ZRANB3: variants seen among roughly 807,000 people sequenced by gnomAD.
ZRANB3 encodes DNA annealing helicase and endonuclease ZRANB3.
In ZRANB3, 125 loss-of-function variants were observed where a neutral mutation model predicts 133.8. That is an observed-to-expected ratio of 0.93 (90% confidence interval 0.81 to 1.08). ZRANB3 has a LOEUF of 1.08. Among genes scored for constraint, ZRANB3 ranks in the 50% least tolerant of loss-of-function variants. The pLI is 0.00. For missense variants in ZRANB3, 1,229 were observed against 1,275.5 expected, an observed-to-expected ratio of 0.96 and a Z score of 0.56; for synonymous variants, 387 against 432.7, an observed-to-expected ratio of 0.89 and a Z score of 1.31.
chr2:135,268,880 C>A, intron 11 of ZRANB3, 82 bp downstream of exon 11: 1 of 1,352,024 alleles, frequency 7.4e-7, no homozygotes, highest in Non-Finnish European at 1.0e-6. Context: ...TGCCTGAAAA[C>A]ACTAAAACTC....
At chr2:135,433,994 TCAAAA>T (rs944788844) in intron 2 of ZRANB3, among the ~76,000 whole-genome samples, 1 of 151,482 alleles carries the variant, frequency 6.6e-6, no homozygotes, top group African/African-American at 2.4e-5. Flanking sequence ...AGACTCCGTC[TCAAAA>T]CAAAACAAAA....
At chr2:135,481,087 G>A (rs1354507406) in intron 2 of ZRANB3, among the ~76,000 whole-genome samples, 1 of 152,020 alleles carries the variant, frequency 6.6e-6, no homozygotes, top group Non-Finnish European at 1.5e-5. Context: ...GTGAGCATGT[G>A]TCTTTATAGC....
intron 2 of ZRANB3, among the ~76,000 whole-genome samples, chr2:135,413,434 T>C (rs972152359): frequency 6.6e-6 from 1 of 152,202 alleles, no homozygotes; most frequent in Non-Finnish European, 1.5e-5. Flanking sequence ...ATGGCTACAT[T>C]TGAAGCTACC....
chr2:135,427,153 G>A lies in ZRANB3; in HGVS notation c.162-36333C>T, dbSNP rs533744457. ...GGAAGCATTCCCCTTTAGAACCAGA[G>A]CAAGACAAGATGCCCACTCTCACCA... On this transcript the variant is annotated intron_variant, in intron 2 of 20. Transcript: ENST00000264159. 2.2e-4 allele frequency among the ~76,000 whole-genome samples: 33 copies of A among 151,542 alleles called. No individual in the cohort carries two copies. In the South Asian group the frequency reaches 5.8e-3, roughly 27 times the overall value.
intron 3 of ZRANB3, among the ~76,000 whole-genome samples, chr2:135,381,974 C>T (rs1338955864): frequency 6.6e-6 from 1 of 152,314 alleles, no homozygotes; most frequent in African/African-American, 2.4e-5. Flanking sequence ...TCACCAGCAA[C>T]AGAACAAAGC....
chr2:135,200,706 C>T, intron 20 of ZRANB3, among the ~76,000 whole-genome samples: 1 of 151,300 alleles, frequency 6.6e-6, no homozygotes, highest in African/African-American at 2.4e-5. Flanking sequence ...GCATGAATTC[C>T]TCATTTGGAG....
At chr2:135,299,694 A>G (rs1682338100) in intron 8 of ZRANB3, among the ~76,000 whole-genome samples, 1 of 152,224 alleles carries the variant, frequency 6.6e-6, no homozygotes, top group Non-Finnish European at 1.5e-5. Flanking sequence ...GGAGATAACA[A>G]ACATACTTAA....
At chr2:135,221,979 A>G (rs140715861) in intron 15 of ZRANB3, among the ~76,000 whole-genome samples, 93 of 152,340 alleles carry the variant, frequency 6.1e-4, no homozygotes, top group Middle Eastern at 6.8e-3. Context: ...CTATATCTAT[A>G]TTCGGTTTAG....
intron 8 of ZRANB3, among the ~76,000 whole-genome samples, chr2:135,302,556 C>T (rs1354438899): frequency 6.7e-5 from 10 of 149,668 alleles, no homozygotes; most frequent in Middle Eastern, 3.5e-3. Context: ...ATGGGAGTCT[C>T]GCTCTGTCAC....
At chr2:135,527,288 G>A (rs571004819) in intron 1 of ZRANB3, among the ~76,000 whole-genome samples, 30 of 152,268 alleles carry the variant, frequency 2.0e-4, no homozygotes, top group African/African-American at 6.5e-4. Flanking sequence ...GACCAGGCAC[G>A]GTGGCTCACA....
At chr2:135,275,479 TATA>T (rs1166322707) in intron 9 of ZRANB3, among the ~76,000 whole-genome samples, 154 bp downstream of exon 9, 2 of 152,192 alleles carry the variant, frequency 1.3e-5, no homozygotes, top group East Asian at 1.9e-4. Flanking sequence ...ATCATCATCA[TATA>T]ATATTAATAT....
intron 17 of ZRANB3, among the ~76,000 whole-genome samples, chr2:135,215,234 ATTAAT>A (rs1694256909): frequency 6.7e-6 from 1 of 149,540 alleles, no homozygotes; most frequent in Non-Finnish European, 1.5e-5. Context: ...TTTTTATTTT[ATTAAT>A]TTAATTTTTG....
intron 2 of ZRANB3, among the ~76,000 whole-genome samples, chr2:135,477,986 C>T (rs1455623834): frequency 1.3e-5 from 2 of 151,672 alleles, no homozygotes; most frequent in Non-Finnish European, 2.9e-5. Flanking sequence ...GAGACCCTGT[C>T]TCAAAAAACA....
At chr2:135,264,238 C>T (rs1680109537) in intron 12 of ZRANB3, among the ~76,000 whole-genome samples, 1 of 151,142 alleles carries the variant, frequency 6.6e-6, no homozygotes, top group Non-Finnish European at 1.5e-5. Context: ...TTTGGAAGGC[C>T]GAGGTGGGCA....
At position 135,353,431 on chromosome 2, in the gene ZRANB3, A is replaced by G; in HGVS notation, c.359+19T>C. 1 of 1,533,368 alleles carries G rather than the reference A, an allele frequency of 6.5e-7. No individual in the cohort carries two copies. Among genetic ancestry groups the G allele is most frequent in the Non-Finnish European group, 8.8e-7 (1 of 1,140,794 alleles). The allele number at this position is 1,533,368 out of a possible 1,614,324, so 95.0% of individuals were successfully genotyped here. A position where few individuals can be genotyped will look rare whatever the true frequency, so the allele number is the denominator to read the frequency against. ...ACAAGGAAGACTTTTCTCCTTAAATATTAAACAGTTGTTCTTACCTAACAT... is the reference window on the plus strand; with the variant it reads ...ACAAGGAAGACTTTTCTCCTTAAATGTTAAACAGTTGTTCTTACCTAACAT... On this transcript the variant is annotated intron_variant, in intron 4 of 20. Coordinates refer to ENST00000264159, the MANE Select transcript of ZRANB3 (RefSeq NM_032143.4).
chr2:135,429,751 G>C (rs1280269620), intron 2 of ZRANB3, among the ~76,000 whole-genome samples: 1 of 152,120 alleles, frequency 6.6e-6, no homozygotes, highest in African/African-American at 2.4e-5. Context: ...TAGAGAGAAA[G>C]ATTAAGGGAG....
intron 2 of ZRANB3, among the ~76,000 whole-genome samples, chr2:135,452,586 T>C (rs1690323866): frequency 6.6e-6 from 1 of 152,188 alleles, no homozygotes. Context: ...AATACAGCAG[T>C]TCCAAATGGA....
At chr2:135,512,009 A>G in intron 1 of ZRANB3, 1 of 652,140 alleles carries the variant, frequency 1.5e-6, no homozygotes. Flanking sequence ...GCTGAGCTGG[A>G]GAGGAACTAA....
chr2:135,483,242 G>C (rs1691921357), intron 2 of ZRANB3, among the ~76,000 whole-genome samples: 1 of 151,902 alleles, frequency 6.6e-6, no homozygotes, highest in Non-Finnish European at 1.5e-5. Flanking sequence ...GAATACATCT[G>C]GTCCTGGACT....
Sources: allele counts gnomAD v4.1 joint callset (sites outside exome capture counted in the v4.1 genomes callset), GRCh38; gene constraint gnomAD v4.1.1; transcripts MANE v1.5; gene names NCBI Gene and HGNC (gene_info 2026-07-23, HGNC 2026-07-21).